The following ALDH18A1 variants were observed in gnomAD, a reference collection of about 807,000 sequenced individuals.
The protein encoded by ALDH18A1 is aldehyde dehydrogenase 18 family member A1.
ALDH18A1 carries 44 observed loss-of-function variants against 88.8 expected under a neutral mutation model. That is an observed-to-expected ratio of 0.50 (90% CI 0.39 to 0.64). ALDH18A1 has a LOEUF of 0.64. ALDH18A1 is among the 30% of genes least tolerant of loss of function. The pLI is 0.00. For missense variants in ALDH18A1, 782 were observed against 1,009.5 expected (o/e 0.77, Z 3.05); for synonymous variants, 331 against 372.1 (o/e 0.89, Z 1.27).
chr10:95,627,498 G>T lies in ALDH18A1; in HGVS notation c.1022C>A (p.Thr341Lys), dbSNP rs1418361174. 6.2e-7 allele frequency: 1 copy of T among 1,614,126 alleles called. No individual in the cohort carries two copies. ...THPKVSGHVI[T>K]DIVEGKKVGT... is the part of the protein sequence containing the mutation. Reference sequence around the variant, plus strand: ...AACTTTCTTCCCCTCCACAATGTCTGTGATGACGTGCCCAGACACCTTTGG... The same window carrying T: ...AACTTTCTTCCCCTCCACAATGTCTTTGATGACGTGCCCAGACACCTTTGG... Residue 341 changes from threonine to lysine, a missense_variant, in exon 9 of 18, where the codon ACA becomes AAA. Thr to Lys is a moderately conservative substitution (Grantham distance 78). This residue lies in a region of ALDH18A1 where 556 missense variants were observed against 654.5 expected (regional missense o/e 0.85). Transcript: ENST00000371224.
chr10:95,608,253 C>T (rs1385905224), intron 17 of ALDH18A1, among the ~76,000 whole-genome samples: 1 of 152,206 alleles, frequency 6.6e-6, no homozygotes, highest in African/African-American at 2.4e-5. Flanking sequence ...ATGCTGGGTG[C>T]CCCAGCCCTT....
At chr10:95,643,837 AT>A (rs769645295) in intron 2 of ALDH18A1, among the ~76,000 whole-genome samples, 5 of 152,230 alleles carry the variant, frequency 3.3e-5, no homozygotes, top group Non-Finnish European at 7.4e-5. Flanking sequence ...AAGAAACCAT[AT>A]TACTATAAAA....
chr10:95,644,375 T>A (rs2097897380), intron 2 of ALDH18A1, among the ~76,000 whole-genome samples: 2 of 152,256 alleles, frequency 1.3e-5, no homozygotes, highest in African/African-American at 4.8e-5. Flanking sequence ...TCTTTCCTGA[T>A]TCTTTTTCTT....
intron 3 of ALDH18A1, among the ~76,000 whole-genome samples, chr10:95,638,996 T>C (rs1306775321): frequency 6.6e-6 from 1 of 151,998 alleles, no homozygotes; most frequent in Non-Finnish European, 1.5e-5. Context: ...CCTCAGCCCC[T>C]TGAGTAGCCA....
intron 15 of ALDH18A1, among the ~76,000 whole-genome samples, chr10:95,612,296 C>T (rs2097836553): frequency 6.6e-6 from 1 of 152,230 alleles, no homozygotes; most frequent in African/African-American, 2.4e-5. Flanking sequence ...CAGCCCCAGG[C>T]TCTGGCTCTA....
At chr10:95,610,710 G>A (rs1158353216) in intron 16 of ALDH18A1, among the ~76,000 whole-genome samples, 1 of 152,138 alleles carries the variant, frequency 6.6e-6, no homozygotes, top group Non-Finnish European at 1.5e-5. Context: ...GAAACACCTG[G>A]GGAGTACTCA....
chr10:95,635,770 A>C (rs1025769981), intron 5 of ALDH18A1, among the ~76,000 whole-genome samples: 10 of 152,170 alleles, frequency 6.6e-5, no homozygotes, highest in Non-Finnish European at 1.5e-5. Flanking sequence ...TGGACTCTTA[A>C]TGCTACCATC....
chr10:95,642,926 C>T (rs2097894508), intron 3 of ALDH18A1, 66 bp downstream of exon 3: 1 of 1,501,498 alleles, frequency 6.7e-7, no homozygotes, highest in South Asian at 1.2e-5. Context: ...GCAACTTAAA[C>T]CTAATCTGAA....
intron 1 of ALDH18A1, among the ~76,000 whole-genome samples, chr10:95,655,691 T>C (rs994702307): frequency 3.3e-5 from 5 of 151,756 alleles, no homozygotes; most frequent in Non-Finnish European, 7.4e-5. Context: ...AGTGTGTGTG[T>C]GTGTGTGTGT....
intron 12 of ALDH18A1, among the ~76,000 whole-genome samples, chr10:95,617,978 T>C (rs1566004744): frequency 6.6e-6 from 1 of 152,180 alleles, no homozygotes; most frequent in Non-Finnish European, 1.5e-5. Flanking sequence ...TGGGAGTCCC[T>C]TGGTGAACAC....
At chr10:95,628,337 G>T (rs750404646) in intron 8 of ALDH18A1, 31 bp downstream of exon 8, 1 of 1,613,934 alleles carries the variant, frequency 6.2e-7, no homozygotes, top group South Asian at 1.1e-5. Flanking sequence ...CTTTAAAATT[G>T]TTATAGGCAG....
At chr10:95,625,542 G>T (rs1405701683) in intron 10 of ALDH18A1, 87 bp from the exon 11 acceptor site, 12 of 1,169,260 alleles carry the variant, frequency 1.0e-5, no homozygotes, top group Middle Eastern at 2.1e-4. Context: ...TCTTCTGAGA[G>T]TGCCAGGCCT....
At chr10:95,644,385 T>C (rs1330604656) in intron 2 of ALDH18A1, among the ~76,000 whole-genome samples, 1 of 152,208 alleles carries the variant, frequency 6.6e-6, no homozygotes, top group Non-Finnish European at 1.5e-5. Context: ...TTCTTTTTCT[T>C]GTAACACTGT....
chr10:95,606,605 G>A lies in ALDH18A1; in HGVS notation c.*157C>T, dbSNP rs2139512628. The A allele has an allele frequency of 6.3e-7, 1 of 1,580,980 alleles. No homozygotes were observed. The highest frequency in any genetic ancestry group is 2.2e-5 in the East Asian group (1 of 44,502). ...GAGCCAGACTGTGCACATCAGCCAA[G>A]ACTGCTATTGCCAAACGGAGCCCAG... is the stretch of plus-strand genomic sequence containing the variant. On this transcript the variant is annotated 3_prime_UTR_variant, in exon 18 of 18. Transcript: ENST00000371224.
intron 16 of ALDH18A1, 127 bp downstream of exon 16, chr10:95,611,129 C>A (rs2097833414): frequency 9.0e-7 from 1 of 1,108,398 alleles, no homozygotes. Context: ...CCAAATGCAA[C>A]CACTACTAAA....
At chr10:95,645,353 G>A (rs2097899481) in intron 2 of ALDH18A1, among the ~76,000 whole-genome samples, 1 of 152,214 alleles carries the variant, frequency 6.6e-6, no homozygotes, top group African/African-American at 2.4e-5. Context: ...TTATTAGAGA[G>A]TTAACTACCT....
intron 11 of ALDH18A1, 95 bp from the exon 12 acceptor site, chr10:95,621,346 G>T (rs1036902972): frequency 8.9e-7 from 1 of 1,119,738 alleles, no homozygotes; most frequent in Non-Finnish European, 1.3e-6. Context: ...TTGAGACAGG[G>T]TCTCACTCTG....
chr10:95,623,924 C>T (rs1047235331), intron 11 of ALDH18A1, among the ~76,000 whole-genome samples: 1 of 151,892 alleles, frequency 6.6e-6, no homozygotes, highest in Non-Finnish European at 1.5e-5. Flanking sequence ...TGGTCTCGAA[C>T]TCATGACCTC....
chr10:95,635,048 G>T (rs1396710541), intron 5 of ALDH18A1, among the ~76,000 whole-genome samples: 1 of 152,088 alleles, frequency 6.6e-6, no homozygotes, highest in Non-Finnish European at 1.5e-5. Flanking sequence ...CATACATATA[G>T]AAAAATAATT....
Sources: allele counts gnomAD v4.1 joint callset (sites outside exome capture counted in the v4.1 genomes callset), GRCh38; gene constraint gnomAD v4.1.1; regional missense constraint gnomAD v4.1.1; transcripts MANE v1.5; gene names NCBI Gene and HGNC (gene_info 2026-07-23, HGNC 2026-07-21).